Variants in FOXN3 observed in about 807,000 individuals in gnomAD.
FOXN3 encodes forkhead box N3, also known as forkhead box protein N3.
A neutral mutation model predicts 38.4 loss-of-function variants in FOXN3; 7 were observed. The observed-to-expected ratio is 0.18, with a 90% confidence interval of 0.10 to 0.34. FOXN3 has a LOEUF of 0.34. Ranked by LOEUF, FOXN3 falls within the 10% of genes least tolerant of loss-of-function variation. FOXN3 has a pLI of 1.00. For synonymous variants in FOXN3, 230 were observed against 242.2 expected, an observed-to-expected ratio of 0.95 and a Z score of 0.47; for missense variants, 456 against 613.4, an observed-to-expected ratio of 0.74 and a Z score of 2.71.
At chr14:89,508,950 T>C (rs1038310834) in intron 1 of FOXN3, among the ~76,000 whole-genome samples, 6 of 152,152 alleles carry the variant, frequency 3.9e-5, no homozygotes, top group African/African-American at 1.4e-4. Flanking sequence ...TCGCTATGGA[T>C]TGGCCCTGTG....
At chr14:89,547,796 G>A (rs1377872466) in intron 1 of FOXN3, among the ~76,000 whole-genome samples, 2 of 152,190 alleles carry the variant, frequency 1.3e-5, no homozygotes, top group Non-Finnish European at 2.9e-5. Flanking sequence ...TTTGTTGAAT[G>A]ATCACTGCCT....
At chr14:89,168,697 T>C (rs1055266335) in intron 5 of FOXN3, among the ~76,000 whole-genome samples, 1 of 152,172 alleles carries the variant, frequency 6.6e-6, no homozygotes, top group Non-Finnish European at 1.5e-5. Flanking sequence ...GATTCAATAC[T>C]TGAATAGAAA....
chr14:89,616,304 C>T (rs1896492128), intron 1 of FOXN3, among the ~76,000 whole-genome samples: 1 of 152,078 alleles, frequency 6.6e-6, no homozygotes, highest in African/African-American at 2.4e-5. Flanking sequence ...AATTTTGATA[C>T]TGGGAACGTC....
intron 1 of FOXN3, among the ~76,000 whole-genome samples, chr14:89,466,609 C>T (rs1002527127): frequency 3.9e-5 from 6 of 152,096 alleles, no homozygotes; most frequent in Admixed American, 1.3e-4. Flanking sequence ...GCACACCACC[C>T]GCAGCAGCAG....
At chr14:89,246,248 C>G (rs905683030) in intron 4 of FOXN3, among the ~76,000 whole-genome samples, 2 of 152,150 alleles carry the variant, frequency 1.3e-5, no homozygotes, top group Non-Finnish European at 1.5e-5. Flanking sequence ...ATCACCCTCA[C>G]AGTAAAGGGC....
intron 1 of FOXN3, among the ~76,000 whole-genome samples, chr14:89,613,721 T>C (rs528321547): frequency 1.2e-3 from 178 of 152,200 alleles, no homozygotes; most frequent in Non-Finnish European, 2.1e-3. Flanking sequence ...AGTAGAAACA[T>C]GGCAAGCACA....
chr14:89,236,287 G>T (rs556085951), intron 4 of FOXN3, among the ~76,000 whole-genome samples: 1 of 152,106 alleles, frequency 6.6e-6, no homozygotes, highest in Non-Finnish European at 1.5e-5. Flanking sequence ...AGGCCGAGGC[G>T]GGTGGATCAC....
chr14:89,335,356 G>A (rs12882047), intron 3 of FOXN3, among the ~76,000 whole-genome samples: 27,196 of 152,202 alleles, frequency 0.18, 2,820 homozygotes, highest in South Asian at 0.3. Flanking sequence ...CAAACTGAGT[G>A]TCATTCCTAC....
chr14:89,207,234 T>C (rs1362249570), intron 4 of FOXN3, among the ~76,000 whole-genome samples: 2 of 151,052 alleles, frequency 1.3e-5, no homozygotes, highest in African/African-American at 4.9e-5. Context: ...CAAAACAAAA[T>C]AAAGCAAAAC....
rs529969042 is a variant in FOXN3 at position 89,412,913 on chromosome 14, C to G, written c.-14-423G>C. 6.6e-6 allele frequency among the ~76,000 whole-genome samples: 1 copy of G among 152,060 alleles called. No homozygotes were observed. Among genetic ancestry groups the G allele is most frequent in the African/African-American group, 2.4e-5 (1 of 41,390 alleles). On this transcript the variant is annotated intron_variant, in intron 1 of 5. Transcript: ENST00000557258. The surrounding 1 kb of genome is among the most constrained non-coding windows in gnomAD (Gnocchi z 4.7). ...AAAGCAAGTAACTTCAGGTACCACA[C>G]AGAATACATGGGAATGTAAGATAAG...
rs146313453 is a variant in FOXN3, at chr14:89,509,467, T to C, written c.-14-96977A>G. 3.2e-3 allele frequency among the ~76,000 whole-genome samples: 483 copies of C among 152,308 alleles called. 2 individuals carry two copies. Among genetic ancestry groups the C allele is most frequent in the African/African-American group, 0.011 (459 of 41,560 alleles). On this transcript the variant is annotated intron_variant, in intron 1 of 6. Transcript: ENST00000345097. Reference sequence around the variant, plus strand: ...CTCCTGACTCAGCCTCCCAAGTAGGTGGGATTACAGGTGCCCACCACCACG... The same window carrying C: ...CTCCTGACTCAGCCTCCCAAGTAGGCGGGATTACAGGTGCCCACCACCACG...
chr14:89,483,606 C>T (rs1893387398), intron 1 of FOXN3, among the ~76,000 whole-genome samples: 1 of 152,170 alleles, frequency 6.6e-6, no homozygotes, highest in South Asian at 2.1e-4. Context: ...CGGGGTTTCA[C>T]CATGTTGGTC....
At chr14:89,609,073 CA>C (rs1434873576) in intron 1 of FOXN3, among the ~76,000 whole-genome samples, 1 of 152,106 alleles carries the variant, frequency 6.6e-6, no homozygotes, top group East Asian at 1.9e-4. Context: ...ACAGCGAGTT[CA>C]GGGGTGAAGA....
At chr14:89,468,552 T>C (rs954848823) in intron 1 of FOXN3, among the ~76,000 whole-genome samples, 1 of 152,202 alleles carries the variant, frequency 6.6e-6, no homozygotes, top group African/African-American at 2.4e-5. Context: ...GAGCAGATTA[T>C]ATAACTTGAC....
intron 4 of FOXN3, among the ~76,000 whole-genome samples, chr14:89,252,393 A>T (rs1885484695): frequency 6.6e-6 from 1 of 152,086 alleles, no homozygotes; most frequent in Admixed American, 6.6e-5. Flanking sequence ...AGTGGCTCAC[A>T]CCTGTAATCC....
At chr14:89,506,592 C>T (rs1212008405) in intron 1 of FOXN3, among the ~76,000 whole-genome samples, 3 of 152,036 alleles carry the variant, frequency 2.0e-5, no homozygotes, top group Non-Finnish European at 4.4e-5. Flanking sequence ...GTGAGGAGCC[C>T]CTCTGCCCGG....
intron 3 of FOXN3, among the ~76,000 whole-genome samples, chr14:89,311,256 A>AAGGT (rs1288050951): frequency 6.6e-6 from 1 of 151,646 alleles, no homozygotes. Context: ...TTGGGAGGCC[A>AAGGT]GGTCAGGAGT....
chr14:89,437,803 C>T (rs1388347839), intron 1 of FOXN3, among the ~76,000 whole-genome samples: 1 of 152,240 alleles, frequency 6.6e-6, no homozygotes, highest in Non-Finnish European at 1.5e-5. Flanking sequence ...TTTCACATTA[C>T]TGTAGGAACC....
intron 4 of FOXN3, among the ~76,000 whole-genome samples, chr14:89,242,396 T>C (rs1252281078): frequency 2.0e-5 from 3 of 152,156 alleles, no homozygotes; most frequent in Non-Finnish European, 2.9e-5. Flanking sequence ...TTCTGATTCC[T>C]ATCTGTATAA....
Sources: gnomAD v4.1 joint callset for allele counts (sites outside exome capture counted in the v4.1 genomes callset) on GRCh38, gnomAD v4.1.1 for gene constraint, Gnocchi (gnomAD v3.1) non-coding constraint, MANE v1.5 for transcripts, NCBI Gene and HGNC (gene_info 2026-07-23, HGNC 2026-07-21) for gene names.